The following NCBP3 variants were observed in gnomAD, a reference collection of about 807,000 sequenced individuals.
NCBP3 encodes the protein nuclear cap binding subunit 3, also known as nuclear cap-binding protein subunit 3.
A neutral mutation model predicts 75.7 loss-of-function variants in NCBP3; 20 were observed. The ratio of observed to expected loss-of-function variants is 0.26; its 90% CI spans 0.19 to 0.38. The LOEUF (loss-of-function observed/expected upper bound fraction) is 0.38, where lower values mean the gene tolerates loss of function less well. Ranked by LOEUF, NCBP3 falls within the 10% of genes least tolerant of loss-of-function variation. The probability of loss-of-function intolerance (pLI) is 1.00; values close to 1 mark genes in which losing one functional copy is unlikely to be tolerated. For synonymous variants in NCBP3, 293 were observed against 290.5 expected (o/e 1.01, Z -0.09); for missense variants, 678 against 796.9 (o/e 0.85, Z 1.80).
intron 4 of NCBP3, 57 bp downstream of exon 4, chr17:3,829,186 G>A: frequency 6.5e-7 from 1 of 1,538,874 alleles, no homozygotes; most frequent in South Asian, 1.2e-5. Context: ...CTGATGGCAA[G>A]AACTCTTGAA....
In NCBP3 at chr17:3,830,408, A is replaced by C. The variant is rs2053857059; in HGVS notation, c.356-1040T>G. Among the ~76,000 whole-genome samples, 5 of 152,230 alleles carry C rather than the reference A, an allele frequency of 3.3e-5. No homozygotes were observed. In the South Asian group the frequency reaches 1.0e-3, roughly 32 times the overall value. On this transcript the variant is annotated intron_variant, in intron 3 of 12. Transcript: ENST00000389005. Reference sequence around the variant, plus strand: ...ATCACAGAGTGAAAAAACAAGTTGTAAAAAATTACATGCAAGGTGATGACA... The same window carrying C: ...ATCACAGAGTGAAAAAACAAGTTGTCAAAAATTACATGCAAGGTGATGACA...
intron 3 of NCBP3, among the ~76,000 whole-genome samples, chr17:3,837,659 AG>A (rs1172877867): frequency 7.0e-6 from 1 of 143,594 alleles, no homozygotes; most frequent in African/African-American, 2.6e-5. Context: ...GCTTGAACCC[AG>A]GAAGTGGAGG....
rs1468464531 is a variant in NCBP3 at position 3,818,589 on chromosome 17, A to G, written c.1001-17T>C. On this transcript the variant is annotated splice_polypyrimidine_tract_variant and intron_variant, in intron 9 of 12. Coordinates refer to ENST00000389005, the MANE Select transcript of NCBP3 (RefSeq NM_001114118.3). This position sits in a 1 kb window ranked among gnomAD's most constrained non-coding sequence, Gnocchi z 4.7. ...TCACTAGCCCTGAAGAAATTTAACC[A>G]GAAAACATTAGGAAAAGCACTAAAA... The G allele has an allele frequency of 6.3e-7, 1 of 1,581,006 alleles. No homozygotes were observed. The highest frequency in any genetic ancestry group is 1.1e-5 in the South Asian group (1 of 88,668).
Position 3,804,822 on chromosome 17 carries a change from T to C in NCBP3, c.*8222A>G, listed in dbSNP as rs2053319897. 1 of 152,202 alleles carries C rather than the reference T, an allele frequency of 6.6e-6. No individual in the cohort carries two copies. 9.4% of individuals were successfully genotyped at this position (152,202 alleles called of 1,614,324 possible). ...TCAGCCACCTACAAGGTCAACCCGA[T>C]TTCTCAGATAAGGATGCTGCCTCTG... On this transcript the variant is annotated 3_prime_UTR_variant, in exon 13 of 13. Transcript: ENST00000389005.
chr17:3,831,264 T>G (rs555552927), intron 3 of NCBP3, among the ~76,000 whole-genome samples: 2 of 151,866 alleles, frequency 1.3e-5, no homozygotes, highest in African/African-American at 2.4e-5. Context: ...ATTGCAAAAT[T>G]TGTAAATATA....
At chr17:3,845,521 C>G (rs1227823499) in intron 1 of NCBP3, among the ~76,000 whole-genome samples, 1 of 152,058 alleles carries the variant, frequency 6.6e-6, no homozygotes, top group East Asian at 1.9e-4. Context: ...GGCAAGATGA[C>G]CCCGAAGTCA....
Position 3,811,683 on chromosome 17 carries a change from C to G in NCBP3, c.*1361G>C, listed in dbSNP as rs2053417553. Reference sequence around the variant, plus strand: ...CCAGGCTGCACTGTGTGCACAACAGCCCAGGCAGGTGAAGAGTCGTGACAT... The same window carrying G: ...CCAGGCTGCACTGTGTGCACAACAGGCCAGGCAGGTGAAGAGTCGTGACAT... On this transcript the variant is annotated 3_prime_UTR_variant, in exon 13 of 13. Coordinates refer to ENST00000389005, the MANE Select transcript of NCBP3 (RefSeq NM_001114118.3). 1 of 152,214 alleles carries G rather than the reference C, an allele frequency of 6.6e-6. No individual in the cohort carries two copies. The allele number at this position is 152,214 out of a possible 1,614,324, so 9.4% of individuals were successfully genotyped here. A position where few individuals can be genotyped will look rare whatever the true frequency, so the allele number is the denominator to read the frequency against.
Position 3,802,950 on chromosome 17 carries a change from T to C in NCBP3, c.*10094A>G, listed in dbSNP as rs999860407. On this transcript the variant is annotated 3_prime_UTR_variant, in exon 13 of 13. Transcript: ENST00000389005. ...TTCTAGAATGCGGACTCATCCTGCA[T>C]CCATCCAGTATGTATTTATCCAAGC... 6.6e-6 allele frequency: 1 copy of C among 152,214 alleles called. No individual in the cohort carries two copies. The highest frequency in any genetic ancestry group is 1.5e-5 in the Non-Finnish European group (1 of 68,066). 9.4% of individuals were successfully genotyped at this position (152,214 alleles called of 1,614,324 possible). A position where few individuals can be genotyped will look rare whatever the true frequency, so the allele number is the denominator to read the frequency against.
rs533102496 is a variant in NCBP3, at chr17:3,818,010, C to A, written c.1310+253G>T. ...ACACACAAATAGCTGAAAGGTTATT[C>A]GCCAAATTGCTAACAGTAGTTATTG... On this transcript the variant is annotated intron_variant, in intron 10 of 12. Coordinates refer to ENST00000389005, the MANE Select transcript of NCBP3 (RefSeq NM_001114118.3). The surrounding 1 kb of genome is among the most constrained non-coding windows in gnomAD (Gnocchi z 4.7). Among the ~76,000 whole-genome samples, 1 of 151,804 alleles carries A rather than the reference C, an allele frequency of 6.6e-6. No homozygotes were observed. Among genetic ancestry groups the A allele is most frequent in the Non-Finnish European group, 1.5e-5 (1 of 68,010 alleles).
intron 3 of NCBP3, among the ~76,000 whole-genome samples, chr17:3,829,608 G>C (rs907062158): frequency 1.1e-4 from 17 of 152,274 alleles, no homozygotes; most frequent in African/African-American, 3.6e-4. Context: ...ATTAAACAAA[G>C]GGTGTTGATA....
At chr17:3,840,500 T>C (rs2054045528) in intron 2 of NCBP3, among the ~76,000 whole-genome samples, 1 of 152,212 alleles carries the variant, frequency 6.6e-6, no homozygotes, top group Non-Finnish European at 1.5e-5. Flanking sequence ...TTAAAGTTTA[T>C]AAAGTTATAT....
chr17:3,830,382 T>C (rs752546849), intron 3 of NCBP3, among the ~76,000 whole-genome samples: 1 of 152,188 alleles, frequency 6.6e-6, no homozygotes, highest in Non-Finnish European at 1.5e-5. Context: ...TTCTAAGATG[T>C]ATCACAGAGT....
chr17:3,833,950 C>A (rs979441516), intron 3 of NCBP3, among the ~76,000 whole-genome samples: 1 of 152,192 alleles, frequency 6.6e-6, no homozygotes, highest in East Asian at 1.9e-4. Flanking sequence ...AGGAAACCAT[C>A]TCTTTACTTC....
intron 1 of NCBP3, among the ~76,000 whole-genome samples, chr17:3,845,631 C>T (rs542437830): frequency 1.2e-4 from 19 of 152,186 alleles, no homozygotes; most frequent in Admixed American, 8.5e-4. Context: ...GGGGCAAGAC[C>T]CACAAGGAGA....
Position 3,825,835 on chromosome 17 carries a change from C to T in NCBP3, c.619G>A (p.Glu207Lys), listed in dbSNP as rs202092875. 993 of 1,551,004 alleles carry T rather than the reference C, an allele frequency of 6.4e-4. 1 individual carries two copies. The highest frequency in any genetic ancestry group is 8.9e-4 in the South Asian group (75 of 84,022). The change falls in exon 6 of 13, where the codon GAA becomes AAA. Residue 207 changes from glutamate (E) to lysine (K), a missense_variant. Physicochemically the swap from Glu to Lys is moderately conservative, Grantham distance 56 (BLOSUM62 1). Transcript: ENST00000389005. ...GCTTCATCATCATCTGAACTGTCTT[C>T]CTGCTTGTCTAAAATGGAATGTGAA... ...SAEKRKKDKQ[E>K]DSSDDDEAEE...
rs2053331477 is a variant in NCBP3 at position 3,805,834 on chromosome 17, G to A, written c.*7210C>T. ...CTCACCCCAGTTGAGCCCTCCATTT[G>A]ACAGACAGGGAAGCTGAGGCCCAGG... On this transcript the variant is annotated 3_prime_UTR_variant, in exon 13 of 13. Transcript: ENST00000389005. The A allele has an allele frequency of 3.3e-5, 5 of 152,350 alleles. No individual in the cohort carries two copies. Among genetic ancestry groups the A allele is most frequent in the Admixed American group, 3.3e-4 (5 of 15,282 alleles). The allele number at this position is 152,350 out of a possible 1,614,324, so 9.4% of individuals were successfully genotyped here. A position where few individuals can be genotyped will look rare whatever the true frequency, so the allele number is the denominator to read the frequency against.
intron 12 of NCBP3, among the ~76,000 whole-genome samples, chr17:3,813,730 G>A (rs546767467): frequency 2.5e-4 from 38 of 152,292 alleles, no homozygotes; most frequent in Admixed American, 1.8e-3. Context: ...CACATTATAA[G>A]GCAATTCAAA....
intron 9 of NCBP3, among the ~76,000 whole-genome samples, chr17:3,819,909 A>G (rs537358988): frequency 9.2e-5 from 14 of 152,332 alleles, no homozygotes; most frequent in Admixed American, 6.5e-4. Flanking sequence ...ATTTTAAAGT[A>G]ACTCAAATTG....
chr17:3,838,357 G>A (rs538408167), intron 3 of NCBP3, among the ~76,000 whole-genome samples: 3 of 152,352 alleles, frequency 2.0e-5, no homozygotes, highest in South Asian at 2.1e-4. Flanking sequence ...TGACGCCCTC[G>A]CGGTAGAGTT....
Sources: gnomAD v4.1 joint callset for allele counts (sites outside exome capture counted in the v4.1 genomes callset) on GRCh38, gnomAD v4.1.1 for gene constraint, Gnocchi (gnomAD v3.1) non-coding constraint, MANE v1.5 for transcripts, NCBI Gene and HGNC (gene_info 2026-07-23, HGNC 2026-07-21) for gene names.